The following PDK1 variants were observed in gnomAD, a reference collection of about 807,000 sequenced individuals.
PDK1 encodes [Pyruvate dehydrogenase (acetyl-transferring)] kinase isozyme 1, mitochondrial.
In PDK1, 39 loss-of-function variants were observed where a neutral mutation model predicts 54.2. That is an observed-to-expected ratio of 0.72 (90% confidence interval 0.56 to 0.94). The LOEUF (loss-of-function observed/expected upper bound fraction) is 0.94, where lower values mean the gene tolerates loss of function less well. Ranked by LOEUF, PDK1 falls within the 40% of genes least tolerant of loss-of-function variation. PDK1 has a pLI of 0.00. For synonymous variants in PDK1, 221 were observed against 207.1 expected (o/e 1.07, Z -0.58); for missense variants, 552 against 566.0 (o/e 0.98, Z 0.25).
At chr2:172,622,733 ATAT>A in the PDK1 span, among the ~76,000 whole-genome samples, 51 of 129,182 alleles carry the variant, frequency 3.9e-4, no homozygotes, top group Non-Finnish European at 7.5e-4. Flanking sequence ...TTTATATCTC[ATAT>A]TATGTGAGAT....
At chr2:172,696,160 G>A in the PDK1 span, among the ~76,000 whole-genome samples, 142 of 108,028 alleles carry the variant, frequency 1.3e-3, 1 homozygote, top group African/African-American at 4.6e-3. Flanking sequence ...CAACAAGAGC[G>A]AAACTCTGTC....
At position 172,603,657 on chromosome 2, in the gene PDK1, G is replaced by T. The variant is rs1409033173; in HGVS notation, c.*7688G>T. 5 of 152,168 alleles carry T rather than the reference G, an allele frequency of 3.3e-5. No individual in the cohort carries two copies. Among genetic ancestry groups the T allele is most frequent in the African/African-American group, 1.2e-4 (5 of 41,434 alleles). The allele number at this position is 152,168 out of a possible 1,614,324, so 9.4% of individuals were successfully genotyped here. On this transcript the variant is annotated 3_prime_UTR_variant, in exon 11 of 11. Coordinates refer to ENST00000282077, the MANE Select transcript of PDK1 (RefSeq NM_002610.5). ...TGGGGGGTAGATAGGACTTAGTGTGGCCCCTTAAAGAGCAAGGTCCAAGTG... is the reference window on the plus strand; with the variant it reads ...TGGGGGGTAGATAGGACTTAGTGTGTCCCCTTAAAGAGCAAGGTCCAAGTG...
intron 3 of PDK1, chr2:172,562,682 T>C: frequency 1.1e-6 from 1 of 920,576 alleles, no homozygotes; most frequent in South Asian, 1.4e-5. Context: ...AGATTTGTAA[T>C]GTAAAATCTC....
chr2:172,679,840 C>T, the PDK1 span, among the ~76,000 whole-genome samples: 4 of 151,998 alleles, frequency 2.6e-5, no homozygotes, highest in African/African-American at 9.7e-5. Context: ...AGGTCGAACA[C>T]AGGTTAAATC....
At chr2:172,716,204 G>T in the PDK1 span, among the ~76,000 whole-genome samples, 12 of 152,074 alleles carry the variant, frequency 7.9e-5, no homozygotes. Flanking sequence ...AACTATGTCA[G>T]AAATAGGGTT....
At position 172,592,804 on chromosome 2, in the gene PDK1, A is replaced by G. The variant is rs995179066; in HGVS notation, c.1057-131A>G. 3.8e-4 allele frequency: 173 copies of G among 455,670 alleles called. 1 individual carries two copies. The highest frequency in any genetic ancestry group is 4.4e-4 in the Non-Finnish European group (111 of 249,740). 28.2% of individuals were successfully genotyped at this position (455,670 alleles called of 1,614,324 possible). ...CATTGTCAATGCTTAAATATTAATT[A>G]TATTAAATATAATGCATCTCTCAGA... On this transcript the variant is annotated intron_variant, in intron 9 of 10. Coordinates refer to ENST00000282077, the MANE Select transcript of PDK1 (RefSeq NM_002610.5).
chr2:172,571,946 C>G (rs556479131), intron 8 of PDK1, among the ~76,000 whole-genome samples: 2 of 150,504 alleles, frequency 1.3e-5, no homozygotes, highest in Non-Finnish European at 3.0e-5. Flanking sequence ...ATTCACCTGC[C>G]TCAGCCTCCC....
the PDK1 span, among the ~76,000 whole-genome samples, chr2:172,657,833 C>G: frequency 6.6e-6 from 1 of 152,190 alleles, no homozygotes; most frequent in South Asian, 2.1e-4. Context: ...ATGCCTGAAG[C>G]TGGGTAATTT....
the PDK1 span, among the ~76,000 whole-genome samples, chr2:172,662,606 C>T: frequency 2.0e-5 from 3 of 151,646 alleles, no homozygotes; most frequent in African/African-American, 4.8e-5. Context: ...TAACTTATTT[C>T]ACCAGTCCTC....
At chr2:172,613,479 T>C (rs1691525790), downstream of PDK1, among the ~76,000 whole-genome samples, 1 of 151,866 alleles carries the variant, frequency 6.6e-6, no homozygotes, top group Non-Finnish European at 1.5e-5. Context: ...TTTTAAGAGA[T>C]GGAGTCTCAC....
At chr2:172,634,834 ACT>A in the PDK1 span, among the ~76,000 whole-genome samples, 1 of 152,050 alleles carries the variant, frequency 6.6e-6, no homozygotes. Flanking sequence ...ATTTATAAAA[ACT>A]CTAAGGAAAC....
At chr2:172,672,771 T>G in the PDK1 span, among the ~76,000 whole-genome samples, 4 of 152,254 alleles carry the variant, frequency 2.6e-5, no homozygotes, top group African/African-American at 9.6e-5. Flanking sequence ...AGCAATTTTA[T>G]GTGGTAAATC....
chr2:172,688,374 T>A, the PDK1 span, among the ~76,000 whole-genome samples: 1 of 152,114 alleles, frequency 6.6e-6, no homozygotes, highest in Admixed American at 6.6e-5. Flanking sequence ...GCACCAATGT[T>A]GAAATCCTTA....
intron 2 of PDK1, 143 bp downstream of exon 2, chr2:172,558,992 A>G (rs1444266729): frequency 7.3e-6 from 6 of 826,012 alleles, no homozygotes; most frequent in Non-Finnish European, 1.1e-5. Context: ...TCTGTCGCCC[A>G]GGCTGGAGTG....
At chr2:172,642,811 T>TCCTCCTA in the PDK1 span, among the ~76,000 whole-genome samples, 1 of 66,508 alleles carries the variant, frequency 1.5e-5, no homozygotes, top group African/African-American at 4.5e-5. Flanking sequence ...TCCTCCTCCT[T>TCCTCCTA]CTTCTTCTCT....
Position 172,558,833 on chromosome 2 carries a change from C to A in PDK1, c.322C>A (p.Gln108Lys). 1 of 1,611,838 alleles carries A rather than the reference C, an allele frequency of 6.2e-7. No homozygotes were observed. Among genetic ancestry groups the A allele is most frequent in the East Asian group, 2.2e-5 (1 of 44,802 alleles). Reference sequence around the variant, plus strand: ...TAATCTTCTCAGGACACCATCCGTTCAATTGGTACAAAGCTGGTAAGATTC... The same window carrying A: ...TAATCTTCTCAGGACACCATCCGTTAAATTGGTACAAAGCTGGTAAGATTC... Reference protein sequence around the residue: ...PDNLLRTPSVQLVQSWYIQSL... With the variant: ...PDNLLRTPSVKLVQSWYIQSL... The change falls in exon 2 of 11, where the codon CAA becomes AAA. Residue 108 changes from glutamine to lysine, a missense_variant. Coordinates refer to ENST00000282077, the MANE Select transcript of PDK1 (RefSeq NM_002610.5).
the PDK1 span, among the ~76,000 whole-genome samples, chr2:172,619,052 T>C: frequency 6.6e-6 from 1 of 152,190 alleles, no homozygotes; most frequent in Non-Finnish European, 1.5e-5. Flanking sequence ...AGGTTTTTCT[T>C]CCTAGTACTC....
chr2:172,628,066 A>G, the PDK1 span, among the ~76,000 whole-genome samples: 2 of 152,344 alleles, frequency 1.3e-5, no homozygotes, highest in Non-Finnish European at 2.9e-5. Flanking sequence ...TCTATGACCT[A>G]TAAGCCCCTG....
the PDK1 span, among the ~76,000 whole-genome samples, chr2:172,707,090 G>T: frequency 6.6e-6 from 1 of 152,134 alleles, no homozygotes; most frequent in South Asian, 2.1e-4. Flanking sequence ...TGACTCTCTG[G>T]TAGGCCTCCT....
Sources: gnomAD v4.1 joint callset for allele counts (sites outside exome capture counted in the v4.1 genomes callset) on GRCh38, gnomAD v4.1.1 for gene constraint, MANE v1.5 for transcripts, NCBI Gene and HGNC (gene_info 2026-07-23, HGNC 2026-07-21) for gene names.